NRG3: variants seen among roughly 807,000 people sequenced by gnomAD.
NRG3 encodes pro-neuregulin-3, membrane-bound isoform.
In NRG3, 31 loss-of-function variants were observed where a neutral mutation model predicts 66.9. That is an observed-to-expected ratio of 0.46 (90% CI 0.35 to 0.63). The LOEUF (loss-of-function observed/expected upper bound fraction) is 0.63. Among genes scored for constraint, NRG3 ranks in the 20% least tolerant of loss-of-function variants. The pLI, the probability that NRG3 is intolerant of heterozygous loss-of-function variation, is 0.00. For synonymous variants in NRG3, 393 were observed against 359.4 expected (o/e 1.09, Z -1.06); for missense variants, 910 against 878.9 (o/e 1.04, Z -0.45).
At chr10:82,928,099 G>A (rs948352554) in intron 4 of NRG3, among the ~76,000 whole-genome samples, 1 of 152,130 alleles carries the variant, frequency 6.6e-6, no homozygotes, top group Admixed American at 6.6e-5. Flanking sequence ...GACCAGTGAT[G>A]ATGAGCTTTT....
At chr10:82,605,344 A>T (rs1276796471) in intron 2 of NRG3, among the ~76,000 whole-genome samples, 1 of 151,994 alleles carries the variant, frequency 6.6e-6, no homozygotes, top group Non-Finnish European at 1.5e-5. Flanking sequence ...TAATCATAAG[A>T]TTTTTTCCTT....
intron 1 of NRG3, among the ~76,000 whole-genome samples, chr10:82,323,392 A>T (rs1002417501): frequency 1.3e-5 from 2 of 152,216 alleles, no homozygotes; most frequent in African/African-American, 4.8e-5. Flanking sequence ...AGAAAAATAA[A>T]TTGAAATAAT....
At chr10:82,683,246 T>C (rs951941715) in intron 2 of NRG3, among the ~76,000 whole-genome samples, 4 of 152,066 alleles carry the variant, frequency 2.6e-5, no homozygotes, top group Non-Finnish European at 5.9e-5. Context: ...TGAGCCACTG[T>C]GCCCGGCCTC....
At chr10:82,658,245 A>G (rs2052030665) in intron 2 of NRG3, among the ~76,000 whole-genome samples, 1 of 152,160 alleles carries the variant, frequency 6.6e-6, no homozygotes, top group African/African-American at 2.4e-5. Context: ...AAAGTAAATT[A>G]ACATTTGAAA....
At chr10:82,133,692 T>C (rs2069108296) in intron 1 of NRG3, among the ~76,000 whole-genome samples, 1 of 152,200 alleles carries the variant, frequency 6.6e-6, no homozygotes, top group Non-Finnish European at 1.5e-5. Context: ...TCCATGTCTT[T>C]GCTATTGTGA....
At chr10:82,616,037 CA>C in intron 2 of NRG3, among the ~76,000 whole-genome samples, 1 of 152,282 alleles carries the variant, frequency 6.6e-6, no homozygotes, top group East Asian at 1.9e-4. Flanking sequence ...CACACACAGA[CA>C]AACAAAACAC....
intron 2 of NRG3, among the ~76,000 whole-genome samples, chr10:82,574,039 A>G (rs2045895465): frequency 1.3e-5 from 2 of 151,806 alleles, no homozygotes; most frequent in South Asian, 4.1e-4. Context: ...CTAAGCATAT[A>G]TCCAAATGAA....
chr10:82,405,454 G>GTTTTTTTTTTTTT, intron 2 of NRG3, among the ~76,000 whole-genome samples: 1 of 139,920 alleles, frequency 7.1e-6, no homozygotes, highest in Non-Finnish European at 1.5e-5. Context: ...GATCTCAGTA[G>GTTTTTTTTTTTTT]TTTGTTTTTT....
chr10:81,957,462 G>A (rs758189155), intron 1 of NRG3, among the ~76,000 whole-genome samples: 2 of 151,770 alleles, frequency 1.3e-5, no homozygotes, highest in Non-Finnish European at 1.5e-5. Flanking sequence ...ACCCCCACAC[G>A]AATTTATACT....
chr10:82,909,442 A>G (rs1397231990), intron 4 of NRG3, among the ~76,000 whole-genome samples: 1 of 152,102 alleles, frequency 6.6e-6, no homozygotes, highest in Non-Finnish European at 1.5e-5. Context: ...ACCCGACCTC[A>G]TGTGACAGGT....
At chr10:82,494,667 T>G (rs998931243) in intron 2 of NRG3, among the ~76,000 whole-genome samples, 3 of 152,192 alleles carry the variant, frequency 2.0e-5, no homozygotes, top group African/African-American at 7.2e-5. Context: ...CCAGGCATTC[T>G]CATTCTCCCT....
At chr10:82,188,656 A>G (rs2073955629) in intron 1 of NRG3, among the ~76,000 whole-genome samples, 1 of 152,156 alleles carries the variant, frequency 6.6e-6, no homozygotes, top group African/African-American at 2.4e-5. Flanking sequence ...TTGAATAAAC[A>G]TCTCTCAAAA....
At position 82,079,778 on chromosome 10, in the gene NRG3, A is replaced by G. The variant is rs962884633; in HGVS notation, c.823+203615A>G. On this transcript the variant is annotated intron_variant, in intron 1 of 8. Transcript: ENST00000372141. ...AGCAATATGCATTTAAATTTCCTTCATATCTTTTCATGGCTTGATAGAATG... is the reference window on the plus strand; with the variant it reads ...AGCAATATGCATTTAAATTTCCTTCGTATCTTTTCATGGCTTGATAGAATG... Among the ~76,000 whole-genome samples, 6 of 152,006 alleles carry G rather than the reference A, an allele frequency of 3.9e-5. No individual in the cohort carries two copies. In the South Asian group the frequency reaches 1.0e-3, roughly 26 times the overall value.
intron 4 of NRG3, among the ~76,000 whole-genome samples, chr10:82,904,651 T>G (rs768496095): frequency 6.6e-6 from 1 of 152,248 alleles, no homozygotes; most frequent in South Asian, 2.1e-4. Context: ...CTTAGGCATA[T>G]GAATGGGATA....
chr10:82,559,348 C>T (rs763269334), intron 2 of NRG3, among the ~76,000 whole-genome samples: 1 of 152,146 alleles, frequency 6.6e-6, no homozygotes, highest in Non-Finnish European at 1.5e-5. Context: ...ACAGGCCTGA[C>T]TTCCATGAAG....
intron 2 of NRG3, among the ~76,000 whole-genome samples, chr10:82,384,490 T>C (rs2085847824): frequency 6.6e-6 from 1 of 152,172 alleles, no homozygotes; most frequent in Non-Finnish European, 1.5e-5. Flanking sequence ...CCATGTGTTA[T>C]TATCATTTAG....
intron 2 of NRG3, among the ~76,000 whole-genome samples, chr10:82,697,830 G>A (rs1247169886): frequency 1.3e-5 from 2 of 152,066 alleles, no homozygotes; most frequent in African/African-American, 2.4e-5. Flanking sequence ...CATTAGGAAT[G>A]TGTCACTCTG....
chr10:82,032,122 T>C (rs1245624187), intron 1 of NRG3, among the ~76,000 whole-genome samples: 1 of 151,860 alleles, frequency 6.6e-6, no homozygotes, highest in Non-Finnish European at 1.5e-5. Context: ...TCTTTTTTTT[T>C]TTTTTATTTC....
chr10:81,916,195 T>C (rs1443667440), intron 1 of NRG3, among the ~76,000 whole-genome samples: 1 of 152,178 alleles, frequency 6.6e-6, no homozygotes, highest in Non-Finnish European at 1.5e-5. Flanking sequence ...GTGGGGACCA[T>C]GTTGGACAGT....
Sources: allele counts gnomAD v4.1 joint callset (sites outside exome capture counted in the v4.1 genomes callset), GRCh38; gene constraint gnomAD v4.1.1; transcripts MANE v1.5; gene names NCBI Gene and HGNC (gene_info 2026-07-23, HGNC 2026-07-21).